PPM1E: variants seen among roughly 807,000 people sequenced by gnomAD.
The protein encoded by PPM1E is protein phosphatase 1E.
In PPM1E, 20 loss-of-function variants were observed where a neutral mutation model predicts 65.9. That is an observed-to-expected ratio of 0.30 (90% confidence interval 0.21 to 0.44). The LOEUF is 0.44. Ranked by LOEUF, PPM1E falls within the 20% of genes least tolerant of loss-of-function variation. The pLI, the probability that PPM1E is intolerant of heterozygous loss-of-function variation, is 1.00. For synonymous variants in PPM1E, 352 were observed against 374.9 expected, an observed-to-expected ratio of 0.94 and a Z score of 0.70; for missense variants, 713 against 953.1, an observed-to-expected ratio of 0.75 and a Z score of 3.32.
chr17:58,780,932 C>T (rs1437762369), intron 1 of PPM1E, among the ~76,000 whole-genome samples: 2 of 152,034 alleles, frequency 1.3e-5, no homozygotes, highest in Non-Finnish European at 2.9e-5. Context: ...CTAATTATTA[C>T]TTCTGATAAG....
chr17:58,954,137 T>C (rs1456482163), intron 1 of PPM1E, among the ~76,000 whole-genome samples: 1 of 152,232 alleles, frequency 6.6e-6, no homozygotes, highest in Non-Finnish European at 1.5e-5. Flanking sequence ...TTCCCCATCT[T>C]GGCAGGTGAT....
chr17:58,949,783 T>C (rs74674599), intron 1 of PPM1E, among the ~76,000 whole-genome samples: 349 of 152,342 alleles, frequency 2.3e-3, no homozygotes, highest in Non-Finnish European at 4.2e-3. Context: ...AACATTTCTC[T>C]TGGACTAGAC....
chr17:58,797,829 G>A (rs1370960844), intron 1 of PPM1E, among the ~76,000 whole-genome samples: 4 of 152,116 alleles, frequency 2.6e-5, no homozygotes, highest in Non-Finnish European at 5.9e-5. Context: ...ATGTGGCCAC[G>A]AAAAATGTAT....
At chr17:58,784,061 T>G (rs1020536450) in intron 1 of PPM1E, among the ~76,000 whole-genome samples, 4 of 151,866 alleles carry the variant, frequency 2.6e-5, no homozygotes, top group African/African-American at 4.8e-5. Context: ...CTCACTCTGT[T>G]GCCCAGGCTG....
At chr17:58,860,232 C>G (rs2050924657) in intron 1 of PPM1E, among the ~76,000 whole-genome samples, 1 of 152,134 alleles carries the variant, frequency 6.6e-6, no homozygotes, top group African/African-American at 2.4e-5. Context: ...AAGTATTAGA[C>G]CTTGTGCCCA....
chr17:58,809,254 T>TA (rs200310528), intron 1 of PPM1E, among the ~76,000 whole-genome samples: 3 of 152,178 alleles, frequency 2.0e-5, no homozygotes, highest in South Asian at 2.1e-4. Flanking sequence ...TCTAGCTAAT[T>TA]AAAAAAAATT....
intron 1 of PPM1E, among the ~76,000 whole-genome samples, chr17:58,881,449 G>C (rs1649533011): frequency 6.6e-6 from 1 of 151,956 alleles, no homozygotes; most frequent in African/African-American, 2.4e-5. Flanking sequence ...GGATCACAAG[G>C]TCAGGAGTTC....
rs536356465 is a variant in PPM1E at position 58,761,709 on chromosome 17, C to T, written c.464+5248C>T. 5.9e-5 allele frequency among the ~76,000 whole-genome samples: 9 copies of T among 152,250 alleles called. No homozygotes were observed. The East Asian group carries it at 1.2e-3, about 20-fold the overall frequency. On this transcript the variant is annotated intron_variant, in intron 1 of 6. Coordinates refer to ENST00000308249, the MANE Select transcript of PPM1E (RefSeq NM_014906.5). ...CTTCCTTGAGGAAGCCTTTGCTTAC[C>T]GTCCTCACACTCATCATGAGTTAGG... is the stretch of plus-strand genomic sequence containing the variant.
In PPM1E at chr17:58,762,293, G is replaced by C. The variant is rs141345552; in HGVS notation, c.464+5832G>C. Among the ~76,000 whole-genome samples the C allele has an allele frequency of 5.7e-3, 872 of 151,908 alleles. 5 individuals are homozygous for C. Among genetic ancestry groups the C allele is most frequent in the African/African-American group, 9.3e-3 (385 of 41,422 alleles). On this transcript the variant is annotated intron_variant, in intron 1 of 6. Coordinates refer to ENST00000308249, the MANE Select transcript of PPM1E (RefSeq NM_014906.5). ...GCAGGCAGATTGCTTGAGTCTTGGA[G>C]TTCGAGACCAGACTGGGCAACATGG...
chr17:58,784,510 TTTTTTTTTTGAGACGGAGTCTTTA>T (rs1478100138), intron 1 of PPM1E, among the ~76,000 whole-genome samples: 3 of 151,794 alleles, frequency 2.0e-5, no homozygotes, highest in East Asian at 1.9e-4. Context: ...ACCACTTTTT[TTTTTTTTTTGAGACGGAGTCTTTA>T]TTTTTTTTTG....
intron 1 of PPM1E, among the ~76,000 whole-genome samples, chr17:58,823,210 C>G (rs1053635443): frequency 2.0e-5 from 3 of 152,084 alleles, no homozygotes; most frequent in African/African-American, 4.8e-5. Context: ...AGAATTGTTT[C>G]TAGTTTAAGA....
At chr17:58,918,603 C>G (rs1407320858) in intron 1 of PPM1E, among the ~76,000 whole-genome samples, 2 of 151,650 alleles carry the variant, frequency 1.3e-5, no homozygotes, top group East Asian at 3.9e-4. Flanking sequence ...CTCAGGAGTT[C>G]CAGACCAGCC....
At chr17:58,868,334 CA>C (rs1253352662) in intron 1 of PPM1E, among the ~76,000 whole-genome samples, 2 of 151,982 alleles carry the variant, frequency 1.3e-5, no homozygotes, top group Non-Finnish European at 2.9e-5. Flanking sequence ...AAAACAAAAA[CA>C]AAAACAACGT....
intron 1 of PPM1E, among the ~76,000 whole-genome samples, chr17:58,890,630 T>C (rs995078546): frequency 1.3e-5 from 2 of 152,180 alleles, no homozygotes; most frequent in Non-Finnish European, 2.9e-5. Context: ...TGTATGTGTG[T>C]ATATAAACAT....
chr17:58,769,077 A>T (rs150090061), intron 1 of PPM1E, among the ~76,000 whole-genome samples: 76 of 151,438 alleles, frequency 5.0e-4, no homozygotes, highest in African/African-American at 1.4e-3. Context: ...GGCAAAAATT[A>T]AAAAAAAATG....
intron 1 of PPM1E, among the ~76,000 whole-genome samples, chr17:58,886,785 A>G (rs1168710584): frequency 6.6e-6 from 1 of 152,228 alleles, no homozygotes; most frequent in Non-Finnish European, 1.5e-5. Flanking sequence ...AAAGAGCCAC[A>G]TGCAAAAGAT....
chr17:58,918,781 C>T (rs192992588), intron 1 of PPM1E, among the ~76,000 whole-genome samples: 8 of 114,168 alleles, frequency 7.0e-5, no homozygotes, highest in East Asian at 5.8e-4. Flanking sequence ...ACTCCAGCCT[C>T]GGTGACAAAG....
chr17:58,851,250 A>G (rs1352190303), intron 1 of PPM1E, among the ~76,000 whole-genome samples: 2 of 152,006 alleles, frequency 1.3e-5, no homozygotes, highest in Non-Finnish European at 2.9e-5. Context: ...GAAGTTTGTT[A>G]TTACCGATCG....
At chr17:58,968,668 G>A (rs1310017649) in intron 3 of PPM1E, among the ~76,000 whole-genome samples, 1 of 152,198 alleles carries the variant, frequency 6.6e-6, no homozygotes, top group Non-Finnish European at 1.5e-5. Flanking sequence ...TCAGGACTCA[G>A]TGCGAGTTCA....
Sources: gnomAD v4.1 joint callset for allele counts (sites outside exome capture counted in the v4.1 genomes callset) on GRCh38, gnomAD v4.1.1 for gene constraint, MANE v1.5 for transcripts, NCBI Gene and HGNC (gene_info 2026-07-23, HGNC 2026-07-21) for gene names.